Variants in UBE2QL1 observed in about 807,000 individuals in gnomAD.
UBE2QL1 encodes ubiquitin conjugating enzyme E2 QL1, also known as ubiquitin-conjugating enzyme E2Q-like protein 1.
In UBE2QL1, 5 loss-of-function variants were observed where a neutral mutation model predicts 12.6. That is an observed-to-expected ratio of 0.40 (90% confidence interval 0.21 to 0.83). The LOEUF (loss-of-function observed/expected upper bound fraction) is 0.83. Among genes scored for constraint, UBE2QL1 ranks in the 40% least tolerant of loss-of-function variants. UBE2QL1 has a pLI of 0.37. For missense variants in UBE2QL1, 99 were observed against 222.6 expected (o/e 0.44, Z 3.53); for synonymous variants, 96 against 94.5 (o/e 1.02, Z -0.10).
intron 1 of UBE2QL1, among the ~76,000 whole-genome samples, chr5:6,451,001 C>T (rs1739401116): frequency 6.6e-6 from 1 of 152,166 alleles, no homozygotes; most frequent in African/African-American, 2.4e-5. Flanking sequence ...GAATTCTTTG[C>T]AGAAATGCCT....
At chr5:6,455,625 T>G (rs936567673) in intron 1 of UBE2QL1, among the ~76,000 whole-genome samples, 1 of 152,104 alleles carries the variant, frequency 6.6e-6, no homozygotes, top group Admixed American at 6.5e-5. Flanking sequence ...GACTTTGTGG[T>G]CTAGGATCAG....
chr5:6,495,773 C>G lies in UBE2QL1; in HGVS notation c.*4424C>G, dbSNP rs532159786. ...GTAGTCAGAACTTTGTAATTTTTTT[C>G]TCCAAAGACAGTGAAATCATGTACA... On this transcript the variant is annotated 3_prime_UTR_variant, in exon 2 of 2. Transcript: ENST00000399816. Among the ~76,000 whole-genome samples the G allele has an allele frequency of 2.6e-5, 4 of 152,302 alleles. 1 individual carries two copies. In the South Asian group the frequency reaches 8.3e-4, roughly 32 times the overall value.
chr5:6,452,881 G>A (rs1020028694), intron 1 of UBE2QL1, among the ~76,000 whole-genome samples: 28 of 152,136 alleles, frequency 1.8e-4, no homozygotes, highest in Non-Finnish European at 4.4e-5. Context: ...CCCAAAAGCT[G>A]CTTGATGGTG....
chr5:6,467,463 T>C (rs1449188740), intron 1 of UBE2QL1, among the ~76,000 whole-genome samples: 1 of 152,136 alleles, frequency 6.6e-6, no homozygotes, highest in Non-Finnish European at 1.5e-5. Flanking sequence ...TGTGTCTGAA[T>C]TTCCTCTTCC....
intron 1 of UBE2QL1, among the ~76,000 whole-genome samples, chr5:6,450,620 A>G (rs946905247): frequency 2.0e-5 from 3 of 152,226 alleles, no homozygotes; most frequent in Admixed American, 6.5e-5. Flanking sequence ...CTTTCACTGC[A>G]GGCTCTTTCA....
intron 1 of UBE2QL1, among the ~76,000 whole-genome samples, chr5:6,473,525 G>T (rs1236512466): frequency 1.3e-5 from 2 of 152,222 alleles, no homozygotes; most frequent in Non-Finnish European, 2.9e-5. Flanking sequence ...CCATCTGACT[G>T]CAAGGGAGGC....
rs147588601 is a variant in UBE2QL1, at chr5:6,489,235, G to A, written c.355-1983G>A. Among the ~76,000 whole-genome samples, 570 of 152,048 alleles carry A rather than the reference G, an allele frequency of 3.7e-3. 7 individuals carry two copies. Among genetic ancestry groups the A allele is most frequent in the African/African-American group, 0.013 (520 of 41,468 alleles). On this transcript the variant is annotated intron_variant, in intron 1 of 1. Coordinates refer to ENST00000399816, the MANE Select transcript of UBE2QL1 (RefSeq NM_001145161.3). The stretch of plus-strand genomic sequence containing the variant: ...AGACCAGGAGTCCAAGACCAGCCTG[G>A]GCAATATAGTGAGACCCCATCTCTA...
At position 6,452,309 on chromosome 5, in the gene UBE2QL1, T is replaced by A. The variant is rs185426758; in HGVS notation, c.354+3062T>A. Among the ~76,000 whole-genome samples, 71 of 152,340 alleles carry A rather than the reference T, an allele frequency of 4.7e-4. 1 individual carries two copies. The highest frequency in any genetic ancestry group is 3.4e-3 in the Middle Eastern group (1 of 294). On this transcript the variant is annotated intron_variant, in intron 1 of 1. Coordinates refer to ENST00000399816, the MANE Select transcript of UBE2QL1 (RefSeq NM_001145161.3). ...GCCTGTGTTACCAAAATCTCTTGCA[T>A]GTTGCTGTCTGAATTCTGGTTGTCT...
At position 6,449,133 on chromosome 5, in the gene UBE2QL1, C is replaced by A. The variant is rs555830598; in HGVS notation, c.240C>A (p.Tyr80Ter). ...RVLSPRLENG[Y>*]VLDGGAICME... Reference sequence around the variant, plus strand: ...TCAGCCCGCGCCTGGAGAACGGCTACGTGCTGGACGGCGGCGCCATCTGCA... The same window carrying A: ...TCAGCCCGCGCCTGGAGAACGGCTAAGTGCTGGACGGCGGCGCCATCTGCA... Residue 80 changes from tyrosine to a stop codon, truncating the protein, a stop_gained, in exon 1 of 2, where the codon TAC becomes TAA. Transcript: ENST00000399816. LOFTEE classifies it high-confidence loss of function. 2 of 1,545,610 alleles carry A rather than the reference C, an allele frequency of 1.3e-6. No individual in the cohort carries two copies. The highest frequency in any genetic ancestry group is 1.7e-6 in the Non-Finnish European group (2 of 1,144,454).
rs1734605690 is a variant in UBE2QL1, at chr5:6,493,050, T to C, written c.*1701T>C. The C allele has an allele frequency of 6.6e-6, 1 of 152,244 alleles. No individual in the cohort carries two copies. The highest frequency in any genetic ancestry group is 2.1e-4 in the South Asian group (1 of 4,830). 9.4% of individuals were successfully genotyped at this position (152,244 alleles called of 1,614,324 possible). ...TTGTTTTTCTTTACCACTTTCTTAT[T>C]TGCCCCCAAGTGCACACAGGCAGCT... On this transcript the variant is annotated 3_prime_UTR_variant, in exon 2 of 2. Transcript: ENST00000399816.
At chr5:6,474,656 G>A (rs992919148) in intron 1 of UBE2QL1, among the ~76,000 whole-genome samples, 8 of 152,208 alleles carry the variant, frequency 5.3e-5, no homozygotes, top group African/African-American at 1.7e-4. Context: ...AATTCTAACT[G>A]TGGCATGCGG....
intron 1 of UBE2QL1, among the ~76,000 whole-genome samples, chr5:6,452,934 G>T (rs976687072): frequency 6.6e-6 from 1 of 152,190 alleles, no homozygotes; most frequent in African/African-American, 2.4e-5. Context: ...CACCTCCTGA[G>T]TGTCCCCTTT....
intron 1 of UBE2QL1, among the ~76,000 whole-genome samples, chr5:6,449,507 G>A (rs1739368870): frequency 6.7e-6 from 1 of 148,972 alleles, no homozygotes; most frequent in South Asian, 2.1e-4. Context: ...TCTGGTATCG[G>A]TCTCTGCCGT....
intron 1 of UBE2QL1, among the ~76,000 whole-genome samples, chr5:6,474,347 G>A (rs1056204241): frequency 6.6e-6 from 1 of 152,206 alleles, no homozygotes; most frequent in African/African-American, 2.4e-5. Flanking sequence ...GGGAAGTCCT[G>A]GCTTAGGAGA....
intron 1 of UBE2QL1, among the ~76,000 whole-genome samples, chr5:6,458,567 G>A (rs1006479316): frequency 1.3e-5 from 2 of 152,166 alleles, no homozygotes; most frequent in Non-Finnish European, 2.9e-5. Context: ...ATGTATTAGG[G>A]TGATTACTTA....
At chr5:6,463,607 A>G (rs1272471016) in intron 1 of UBE2QL1, among the ~76,000 whole-genome samples, 4 of 140,836 alleles carry the variant, frequency 2.8e-5, no homozygotes, top group African/African-American at 8.4e-5. Flanking sequence ...TGTTATTATT[A>G]TTATTATTAT....
At chr5:6,484,149 T>C (rs559446648) in intron 1 of UBE2QL1, among the ~76,000 whole-genome samples, 59 of 152,280 alleles carry the variant, frequency 3.9e-4, no homozygotes, top group African/African-American at 1.1e-3. Flanking sequence ...GTCTGAACGA[T>C]GAAAGGAACC....
rs367698319 is a variant in UBE2QL1, at chr5:6,461,242, G to T, written c.354+11995G>T. 7.2e-5 allele frequency among the ~76,000 whole-genome samples: 11 copies of T among 152,244 alleles called. No individual in the cohort carries two copies. In the South Asian group the frequency reaches 1.0e-3, roughly 14 times the overall value. On this transcript the variant is annotated intron_variant, in intron 1 of 1. Coordinates refer to ENST00000399816, the MANE Select transcript of UBE2QL1 (RefSeq NM_001145161.3). ...ATGCCTGCTTCACATTCTCTTAACT[G>T]GTCAGTCAACTGAGGCCTTGAGCAT...
At chr5:6,469,208 A>G (rs960835722) in intron 1 of UBE2QL1, among the ~76,000 whole-genome samples, 10 of 152,080 alleles carry the variant, frequency 6.6e-5, no homozygotes, top group African/African-American at 2.4e-4. Context: ...TGTTATCTTC[A>G]TGTGTCCAGA....
Sources: gnomAD v4.1 joint callset for allele counts (sites outside exome capture counted in the v4.1 genomes callset) on GRCh38, gnomAD v4.1.1 for gene constraint, MANE v1.5 for transcripts, NCBI Gene and HGNC (gene_info 2026-07-23, HGNC 2026-07-21) for gene names.